RUNX1: variants seen among roughly 807,000 people sequenced by gnomAD.
RUNX1 encodes the protein RUNX family transcription factor 1, also known as runt-related transcription factor 1.
Under a neutral mutation model 42.8 loss-of-function variants are expected in RUNX1, and 19 were observed. The observed-to-expected ratio is 0.44, with a 90% CI of 0.31 to 0.65. The LOEUF (loss-of-function observed/expected upper bound fraction) is 0.65. RUNX1 is among the 30% of genes least tolerant of loss of function. The pLI is 0.07. For synonymous variants in RUNX1, 271 were observed against 289.4 expected (o/e 0.94, Z 0.64); for missense variants, 528 against 672.0 (o/e 0.79, Z 2.37).
rs1268255562 is a variant in RUNX1, at chr21:34,792,706, C to T, written c.968-96G>A. ...CCCAGGGGGCTACCCAGGATGATAC[C>T]GCCTAGGAGGATGGGAAGCCACCCA... On this transcript the variant is annotated intron_variant, in intron 8 of 8. Coordinates refer to ENST00000675419, the MANE Select transcript of RUNX1 (RefSeq NM_001754.5). The surrounding 1 kb of genome is among the most constrained non-coding windows in gnomAD (Gnocchi z 6.9). 3 of 1,243,604 alleles carry T rather than the reference C, an allele frequency of 2.4e-6. No individual in the cohort carries two copies. The highest frequency in any genetic ancestry group is 1.5e-5 in the African/African-American group (1 of 66,252). 77.0% of individuals were successfully genotyped at this position (1,243,604 alleles called of 1,614,324 possible). A position where few individuals can be genotyped will look rare whatever the true frequency, so the allele number is the denominator to read the frequency against.
At position 34,834,566 on chromosome 21, in the gene RUNX1, C is replaced by G. The variant is rs749004431; in HGVS notation, c.649G>C (p.Gly217Arg). 7.3e-7 allele frequency: 1 copy of G among 1,373,478 alleles called. No individual in the cohort carries two copies. The highest frequency in any genetic ancestry group is 9.7e-7 in the Non-Finnish European group (1 of 1,029,498). The allele number at this position is 1,373,478 out of a possible 1,614,324, so 85.1% of individuals were successfully genotyped here. A position where few individuals can be genotyped will look rare whatever the true frequency, so the allele number is the denominator to read the frequency against. Residue 217 changes from glycine to arginine, a missense_variant, in exon 7 of 9, where the codon GGG becomes CGG. Physicochemically the swap from Gly to Arg is moderately radical, Grantham distance 125. Around this residue, in one of 3 missense-constraint regions of RUNX1, gnomAD observed 331 missense variants for 382.5 expected, o/e 0.87. Transcript: ENST00000675419. ...RQKLDDQTKP[G>R]SLSFSERLSE... ...AGCCGCTCGGAAAAGGACAAGCTCC[C>G]GGGCTTGGTCTGATCATCTAGTTTC...
intron 2 of RUNX1, among the ~76,000 whole-genome samples, chr21:34,916,273 TA>T (rs2058311378): frequency 6.6e-6 from 1 of 152,194 alleles, no homozygotes; most frequent in East Asian, 1.9e-4. Flanking sequence ...TAATTTCTGT[TA>T]CCTGATCATT....
At chr21:34,929,677 C>G (rs2058425146) in intron 2 of RUNX1, among the ~76,000 whole-genome samples, 1 of 152,138 alleles carries the variant, frequency 6.6e-6, no homozygotes, top group Non-Finnish European at 1.5e-5. Flanking sequence ...CTGAGAATAA[C>G]AAGTGACATG....
At position 34,886,894 on chromosome 21, in the gene RUNX1, G is replaced by T; in HGVS notation, c.300C>A (p.Ser100=). 6.2e-7 allele frequency: 1 copy of T among 1,613,674 alleles called. No homozygotes were observed. The highest frequency in any genetic ancestry group is 1.1e-5 in the South Asian group (1 of 91,076). The change falls in exon 4 of 9, where the codon TCC becomes TCA. Residue 100 remains serine, a synonymous_variant. Coordinates refer to ENST00000675419, the MANE Select transcript of RUNX1 (RefSeq NM_001754.5). Reference sequence around the variant, plus strand: ...TGCAGCGCCAGTGCGTAGGCAGCACGGAGCAGAGGAAGTTGGGGCTGTCGG... The same window carrying T: ...TGCAGCGCCAGTGCGTAGGCAGCACTGAGCAGAGGAAGTTGGGGCTGTCGG... The part of the protein sequence containing the change: ...VRTDSPNFLC[S]VLPTHWRCNK...
At chr21:34,906,709 G>T (rs1216475477) in intron 2 of RUNX1, among the ~76,000 whole-genome samples, 1 of 152,172 alleles carries the variant, frequency 6.6e-6, no homozygotes, top group Non-Finnish European at 1.5e-5. Context: ...CATAGACAAT[G>T]ACTTTCCCAA....
intron 2 of RUNX1, among the ~76,000 whole-genome samples, chr21:34,893,643 A>G (rs2058104566): frequency 6.6e-6 from 1 of 152,128 alleles, no homozygotes; most frequent in Non-Finnish European, 1.5e-5. Context: ...TTACTCTATC[A>G]GCCTTGTATA....
At chr21:34,854,523 T>G (rs1285818341) in intron 6 of RUNX1, among the ~76,000 whole-genome samples, 1 of 150,546 alleles carries the variant, frequency 6.6e-6, no homozygotes, top group Non-Finnish European at 1.5e-5. Flanking sequence ...AGGCGGAGGT[T>G]GCAGTGAGCC....
At chr21:35,004,934 G>C (rs1445547693) in intron 2 of RUNX1, among the ~76,000 whole-genome samples, 1 of 152,120 alleles carries the variant, frequency 6.6e-6, no homozygotes, top group Non-Finnish European at 1.5e-5. Context: ...AGGGGACTTT[G>C]ATTTGGCTTT....
intron 7 of RUNX1, among the ~76,000 whole-genome samples, chr21:34,832,610 T>TTAAA (rs2079060542): frequency 6.6e-6 from 1 of 152,302 alleles, no homozygotes; most frequent in South Asian, 2.1e-4. Context: ...GTGAATTAGT[T>TTAAA]TAAATGACCT....
At chr21:35,031,474 A>T (rs981972993) in intron 2 of RUNX1, among the ~76,000 whole-genome samples, 1 of 152,194 alleles carries the variant, frequency 6.6e-6, no homozygotes, top group African/African-American at 2.4e-5. Context: ...AATTAAAAAT[A>T]GACTACCCTA....
intron 2 of RUNX1, among the ~76,000 whole-genome samples, chr21:34,938,931 C>T (rs1049522086): frequency 6.6e-6 from 1 of 152,114 alleles, no homozygotes; most frequent in Non-Finnish European, 1.5e-5. Context: ...GATCAAGGGA[C>T]TTTATTCTTC....
Position 34,840,248 on chromosome 21 carries a change from G to A in RUNX1, c.614-5647C>T, listed in dbSNP as rs1319502883. ...TCCGTTCCACAAATGCAGCAGTTAA[G>A]TTCTCTGAGTGCCCACAGGACCGGG... On this transcript the variant is annotated intron_variant, in intron 6 of 8. Transcript: ENST00000675419. 4.6e-5 allele frequency among the ~76,000 whole-genome samples: 7 copies of A among 152,328 alleles called. No homozygotes were observed. In the East Asian group the frequency reaches 1.4e-3, roughly 29 times the overall value.
chr21:34,792,546 G>T lies in RUNX1; in HGVS notation c.1032C>A (p.Asp344Glu), dbSNP rs1601333645. 1 of 1,607,144 alleles carries T rather than the reference G, an allele frequency of 6.2e-7. No homozygotes were observed. The highest frequency in any genetic ancestry group is 8.5e-7 in the Non-Finnish European group (1 of 1,176,988). ...AGGCGCCTGGATAGTGCATGCGGGG[G>T]TCGGAGATGGAGGGCAGCGCGGGGA... ...RQFPALPSIS[D>E]PRMHYPGAFT... The change falls in exon 9 of 9, where the codon GAC (aspartate) becomes GAA (glutamate). Residue 344 changes from aspartate (D) to glutamate (E), a missense_variant. By Grantham distance (45) the Asp-to-Glu change is conservative (BLOSUM62 2). This residue lies in a region of RUNX1 where 331 missense variants were observed against 382.5 expected (regional missense o/e 0.87). Transcript: ENST00000675419. This position sits in a 1 kb window ranked among gnomAD's most constrained non-coding sequence, Gnocchi z 6.9.
At position 35,048,783 on chromosome 21, in the gene RUNX1, C is replaced by G. The variant is rs950517469; in HGVS notation, c.58+59G>C. On this transcript the variant is annotated intron_variant, in intron 2 of 8. Coordinates refer to ENST00000675419, the MANE Select transcript of RUNX1 (RefSeq NM_001754.5). ...TCTGCACCGAGGTGAAACAAGCTGC[C>G]ATTTCATTACAGGCAAAGCTGAGCA... The G allele has an allele frequency of 1.3e-5, 18 of 1,430,000 alleles. No individual in the cohort carries two copies. The African/African-American group carries it at 2.4e-4, about 19-fold the overall frequency. The allele number at this position is 1,430,000 out of a possible 1,614,324, so 88.6% of individuals were successfully genotyped here.
chr21:34,811,390 G>C (rs530656447), intron 7 of RUNX1, among the ~76,000 whole-genome samples: 1 of 152,240 alleles, frequency 6.6e-6, no homozygotes, highest in Non-Finnish European at 1.5e-5. Flanking sequence ...TCTTCACCTT[G>C]TTTTCCTTTC....
At chr21:35,040,769 TC>T (rs139492739) in intron 2 of RUNX1, among the ~76,000 whole-genome samples, 21,496 of 55,260 alleles carry the variant, frequency 0.39, 4,094 homozygotes, top group Middle Eastern at 0.5. Flanking sequence ...GTAGACTCCA[TC>T]CAAAAAAAAA....
chr21:34,993,732 GAC>G (rs1273392542), intron 2 of RUNX1, among the ~76,000 whole-genome samples: 1 of 66,868 alleles, frequency 1.5e-5, no homozygotes, highest in Non-Finnish European at 3.4e-5. Flanking sequence ...CACACACACA[GAC>G]ACACAGAGAC....
intron 5 of RUNX1, among the ~76,000 whole-genome samples, chr21:34,879,573 C>T (rs979542532): frequency 1.3e-5 from 2 of 151,746 alleles, no homozygotes; most frequent in East Asian, 3.9e-4. Flanking sequence ...CCATTTTTTT[C>T]AATACGAGAA....
At chr21:34,899,552 C>T (rs1294166067) in intron 2 of RUNX1, among the ~76,000 whole-genome samples, 1 of 152,172 alleles carries the variant, frequency 6.6e-6, no homozygotes, top group East Asian at 1.9e-4. Flanking sequence ...TTTGTTATAG[C>T]AGCCTGAGCT....
Sources: gnomAD v4.1 joint callset for allele counts (sites outside exome capture counted in the v4.1 genomes callset) on GRCh38, gnomAD v4.1.1 for gene constraint, gnomAD v4.1.1 regional missense constraint, Gnocchi (gnomAD v3.1) non-coding constraint, MANE v1.5 for transcripts, NCBI Gene and HGNC (gene_info 2026-07-23, HGNC 2026-07-21) for gene names.